FBLIM1: variants seen among roughly 807,000 people sequenced by gnomAD.
FBLIM1 encodes filamin-binding LIM protein 1.
A neutral mutation model predicts 37.4 loss-of-function variants in FBLIM1; 29 were observed. The observed-to-expected ratio is 0.77, with a 90% CI of 0.58 to 1.06. The LOEUF (loss-of-function observed/expected upper bound fraction) is 1.06. FBLIM1 is among the 50% of genes least tolerant of loss of function. The probability of loss-of-function intolerance (pLI) is 0.00; values close to 1 mark genes in which losing one functional copy is unlikely to be tolerated. For missense variants in FBLIM1, 449 were observed against 505.6 expected (o/e 0.89, Z 1.07); for synonymous variants, 193 against 199.0 (o/e 0.97, Z 0.25).
rs1200754289 is a variant in FBLIM1 at position 15,765,229 on chromosome 1, T to C, written c.246T>C (p.Asn82=). ...TVPAAPMQLF[N]GGCPPPPPVL... Reference sequence around the variant, plus strand: ...CGGCTGCACCTATGCAGCTCTTCAATGGAGGTAAGAGCTGAGGGGACTTTG... The same window carrying C: ...CGGCTGCACCTATGCAGCTCTTCAACGGAGGTAAGAGCTGAGGGGACTTTG... Residue 82 remains asparagine, a synonymous_variant, in exon 3 of 9, where the codon AAT becomes AAC. Coordinates refer to ENST00000375766, the MANE Select transcript of FBLIM1 (RefSeq NM_017556.4). The surrounding 1 kb of genome is among the most constrained non-coding windows in gnomAD (Gnocchi z 5.9). 1.9e-6 allele frequency: 3 copies of C among 1,610,606 alleles called. No homozygotes were observed. Among genetic ancestry groups the C allele is most frequent in the Non-Finnish European group, 2.5e-6 (3 of 1,177,854 alleles).
chr1:15,769,437 A>G (rs1249382913), intron 5 of FBLIM1, among the ~76,000 whole-genome samples: 1 of 151,668 alleles, frequency 6.6e-6, no homozygotes, highest in Non-Finnish European at 1.5e-5. Context: ...AGATTGCGCC[A>G]CTGCTCTCCA....
intron 8 of FBLIM1, among the ~76,000 whole-genome samples, chr1:15,779,964 C>G (rs1003915544): frequency 1.3e-5 from 2 of 152,078 alleles, no homozygotes; most frequent in Non-Finnish European, 2.9e-5. Context: ...TAGCCTTGAA[C>G]GAACTTTTGG....
chr1:15,767,110 C>T (rs1285496358), intron 3 of FBLIM1, among the ~76,000 whole-genome samples: 1 of 151,906 alleles, frequency 6.6e-6, no homozygotes, highest in African/African-American at 2.4e-5. Context: ...CCAGGCTGCT[C>T]TTGAACTTCT....
Position 15,765,175 on chromosome 1 carries a change from A to G in FBLIM1, c.192A>G (p.Thr64=). Residue 64 remains threonine (T), a synonymous_variant, in exon 3 of 9, where the codon ACA becomes ACG. Coordinates refer to ENST00000375766, the MANE Select transcript of FBLIM1 (RefSeq NM_017556.4). This position sits in a 1 kb window ranked among gnomAD's most constrained non-coding sequence, Gnocchi z 5.9. ...AGLAGRPSPW[T]TPGRAAATVP... ...TGGCGGGGAGGCCCAGCCCCTGGAC[A>G]ACCCCTGGCAGAGCTGCAGCCACAG... 1 of 1,613,800 alleles carries G rather than the reference A, an allele frequency of 6.2e-7. No individual in the cohort carries two copies.
chr1:15,784,799 T>C lies in FBLIM1; in HGVS notation c.*138T>C. On this transcript the variant is annotated 3_prime_UTR_variant, in exon 9 of 9. Transcript: ENST00000375766. ...CCAGCCTGCAAGCCGGCCCAGCCTG[T>C]CCAGGATACAGTGGGGCTGAGCACC... is the stretch of plus-strand genomic sequence containing the variant. 1.4e-6 allele frequency: 1 copy of C among 689,696 alleles called. No homozygotes were observed. Among genetic ancestry groups the C allele is most frequent in the Admixed American group, 2.5e-5 (1 of 40,382 alleles). 42.7% of individuals were successfully genotyped at this position (689,696 alleles called of 1,614,324 possible).
intron 8 of FBLIM1, 65 bp from the exon 9 acceptor site, chr1:15,784,483 G>A (rs1031401807): frequency 7.5e-7 from 1 of 1,337,370 alleles, no homozygotes; most frequent in Admixed American, 1.8e-5. Flanking sequence ...TGCCAAGTGA[G>A]TCCCTCCCCT....
chr1:15,769,163 C>T (rs1160188253), intron 5 of FBLIM1, among the ~76,000 whole-genome samples: 1 of 152,214 alleles, frequency 6.6e-6, no homozygotes, highest in Non-Finnish European at 1.5e-5. Context: ...CATCTCAGAG[C>T]TGGTCACACA....
At chr1:15,778,470 T>TGGTA (rs2069553959) in intron 8 of FBLIM1, among the ~76,000 whole-genome samples, 1 of 152,062 alleles carries the variant, frequency 6.6e-6, no homozygotes, top group Admixed American at 6.6e-5. Flanking sequence ...CTAACCAGGA[T>TGGTA]GGTAGAATCA....
intron 8 of FBLIM1, among the ~76,000 whole-genome samples, chr1:15,780,558 T>TG (rs2069610195): frequency 6.6e-6 from 1 of 152,172 alleles, no homozygotes; most frequent in Admixed American, 6.5e-5. Context: ...GTACAAATTA[T>TG]GTAGTCAGTC....
At chr1:15,761,578 CAAAGTGTA>C (rs2068674684) in intron 1 of FBLIM1, among the ~76,000 whole-genome samples, 2 of 152,042 alleles carry the variant, frequency 1.3e-5, no homozygotes, top group African/African-American at 4.8e-5. Context: ...AAACTTATAA[CAAAGTGTA>C]AAACTAAAGC....
chr1:15,776,270 C>CA (rs373525833), intron 7 of FBLIM1, among the ~76,000 whole-genome samples: 1 of 152,052 alleles, frequency 6.6e-6, no homozygotes, highest in Admixed American at 6.6e-5. Context: ...CAAAACAAAA[C>CA]AAAAAACTGA....
chr1:15,760,587 TG>T (rs1285449302), intron 1 of FBLIM1, among the ~76,000 whole-genome samples: 2 of 149,568 alleles, frequency 1.3e-5, no homozygotes, highest in African/African-American at 4.9e-5. Context: ...GAGGTTTTTT[TG>T]TTTTTTTTTT....
At chr1:15,777,310 A>G in intron 8 of FBLIM1, 23 bp downstream of exon 8, 1 of 1,568,396 alleles carries the variant, frequency 6.4e-7, no homozygotes, top group Non-Finnish European at 8.8e-7. Flanking sequence ...TAGGTGGTTT[A>G]ATAACATTCC....
rs2069748964 is a variant in FBLIM1 at position 15,785,484 on chromosome 1, A to C, written c.*823A>C. ...ACCCCGTTTCTACTAAAAATACAAA[A>C]ATTAGCTGGGTGTGGTGGCGTGCGC... is the stretch of plus-strand genomic sequence containing the variant. On this transcript the variant is annotated 3_prime_UTR_variant, in exon 9 of 9. Coordinates refer to ENST00000375766, the MANE Select transcript of FBLIM1 (RefSeq NM_017556.4). 6.6e-6 allele frequency: 1 copy of C among 152,014 alleles called. No homozygotes were observed. Among genetic ancestry groups the C allele is most frequent in the Non-Finnish European group, 1.5e-5 (1 of 68,062 alleles). 9.4% of individuals were successfully genotyped at this position (152,014 alleles called of 1,614,324 possible).
intron 1 of FBLIM1, among the ~76,000 whole-genome samples, chr1:15,760,587 T>G (rs1188264441): frequency 2.7e-5 from 4 of 149,568 alleles, no homozygotes; most frequent in African/African-American, 9.8e-5. Flanking sequence ...GAGGTTTTTT[T>G]GTTTTTTTTT....
At chr1:15,776,750 T>TA (rs1243010927) in intron 7 of FBLIM1, among the ~76,000 whole-genome samples, 2 of 151,170 alleles carry the variant, frequency 1.3e-5, no homozygotes, top group African/African-American at 4.9e-5. Context: ...TAGTCCCAGC[T>TA]ACTCAAGAGG....
chr1:15,769,692 A>G (rs1258062234), intron 5 of FBLIM1, among the ~76,000 whole-genome samples: 1 of 151,678 alleles, frequency 6.6e-6, no homozygotes, highest in Non-Finnish European at 1.5e-5. Flanking sequence ...GCTAGAGTGC[A>G]GTGGCGCGAT....
chr1:15,781,165 C>T (rs1445636046), intron 8 of FBLIM1, among the ~76,000 whole-genome samples: 1 of 152,052 alleles, frequency 6.6e-6, no homozygotes, highest in Non-Finnish European at 1.5e-5. Context: ...GGAGACCATC[C>T]TGGCCAACAA....
intron 6 of FBLIM1, among the ~76,000 whole-genome samples, chr1:15,771,828 T>G (rs2148583442): frequency 6.6e-6 from 1 of 151,366 alleles, no homozygotes; most frequent in African/African-American, 2.4e-5. Context: ...CCACACGAGG[T>G]CACACGAGAT....
Sources: allele counts gnomAD v4.1 joint callset (sites outside exome capture counted in the v4.1 genomes callset), GRCh38; gene constraint gnomAD v4.1.1; non-coding constraint Gnocchi (gnomAD v3.1); transcripts MANE v1.5; gene names NCBI Gene and HGNC (gene_info 2026-07-23, HGNC 2026-07-21).